The following GARIN5B variants were observed in gnomAD, a reference collection of about 807,000 sequenced individuals.
GARIN5B encodes the protein Golgi-associated RAB2 interactor protein 5B.
chr19:55,362,088 C>T, the GARIN5B span, among the ~76,000 whole-genome samples: 1,034 of 146,674 alleles, frequency 7.0e-3, 3 homozygotes, highest in Middle Eastern at 0.014. Context: ...CATCTCCTCC[C>T]TCGACTCAGG....
chr19:55,355,385 A>G, the GARIN5B span: 1 of 1,547,256 alleles, frequency 6.5e-7, no homozygotes, highest in Non-Finnish European at 8.7e-7. Context: ...TTTGGGGGAC[A>G]GGGTAGGGAG....
At chr19:55,358,051 C>CAA in the GARIN5B span, 34,212 of 1,098,650 alleles carry the variant, frequency 0.031, 1 homozygote, top group South Asian at 0.044. Flanking sequence ...GAGACCCTGT[C>CAA]AAAAAAAAAA....
At chr19:55,355,212 C>T in the GARIN5B span, 60 of 185,748 alleles carry the variant, frequency 3.2e-4, no homozygotes, top group East Asian at 0.013. Context: ...TCGCCCCCCT[C>T]CCCCCGCCCC....
the GARIN5B span, chr19:55,359,260 G>T: frequency 6.4e-7 from 1 of 1,551,138 alleles, no homozygotes; most frequent in African/African-American, 1.4e-5. Flanking sequence ...GAGCCTTCTG[G>T]GATGGGGCAG....
the GARIN5B span, chr19:55,359,078 G>C: frequency 1.9e-6 from 3 of 1,551,204 alleles, no homozygotes; most frequent in Admixed American, 5.9e-5. Flanking sequence ...CACCACGTCT[G>C]TCTCCTGGGT....
chr19:55,361,126 G>A, the GARIN5B span: 22 of 1,551,068 alleles, frequency 1.4e-5, no homozygotes, highest in Admixed American at 9.8e-5. Context: ...AGGAAGGGAC[G>A]GTTAGACAGG....
At chr19:55,358,664 A>G in the GARIN5B span, 3 of 1,551,286 alleles carry the variant, frequency 1.9e-6, no homozygotes, top group Non-Finnish European at 2.6e-6. Flanking sequence ...CACTGAAGCC[A>G]TCATTGACGT....
chr19:55,360,882 T>C, the GARIN5B span: 1 of 1,545,200 alleles, frequency 6.5e-7, no homozygotes, highest in Non-Finnish European at 8.8e-7. Context: ...GTGAGTTCTG[T>C]CGGGGCGGGG....
At chr19:55,363,160 T>C in the GARIN5B span, 1 of 1,276,606 alleles carries the variant, frequency 7.8e-7, no homozygotes, top group Non-Finnish European at 1.0e-6. The surrounding 1 kb of genome is among the most constrained non-coding windows in gnomAD (Gnocchi z 4.0). Context: ...CCGTGGGGCT[T>C]CACGGGTGCC....
the GARIN5B span, chr19:55,355,487 G>T: frequency 1.3e-6 from 1 of 743,136 alleles, no homozygotes; most frequent in Non-Finnish European, 2.3e-6. Flanking sequence ...GCTCACTGTT[G>T]TATCTGCCTG....
At chr19:55,359,172 C>T in the GARIN5B span, 65 of 1,551,284 alleles carry the variant, frequency 4.2e-5, no homozygotes, top group Middle Eastern at 1.7e-4. Flanking sequence ...GTTGGCAACA[C>T]GTCAAAATCG....
chr19:55,358,155 G>A, the GARIN5B span: 2 of 1,483,236 alleles, frequency 1.3e-6, no homozygotes, highest in South Asian at 1.3e-5. Flanking sequence ...CTGGGCAGAA[G>A]GTTCAAGACG....
the GARIN5B span, among the ~76,000 whole-genome samples, chr19:55,356,557 C>T: frequency 1.3e-5 from 2 of 152,010 alleles, no homozygotes; most frequent in South Asian, 2.1e-4. Context: ...CCACCCTCCT[C>T]GGCCTCCCAA....
the GARIN5B span, chr19:55,361,129 TAG>T: frequency 7.7e-6 from 12 of 1,551,152 alleles, no homozygotes; most frequent in Non-Finnish European, 9.6e-6. Context: ...AAGGGACGGT[TAG>T]ACAGGGGCAG....
chr19:55,359,451 G>A, the GARIN5B span: 5 of 1,545,960 alleles, frequency 3.2e-6, no homozygotes. Context: ...GGTATGGCTG[G>A]GGCCTTCTGG....
the GARIN5B span, chr19:55,359,559 C>T: frequency 6.4e-7 from 1 of 1,551,336 alleles, no homozygotes; most frequent in Non-Finnish European, 8.7e-7. Flanking sequence ...TGGGGAGGAG[C>T]CAATCCAGGT....
chr19:55,362,522 A>T, the GARIN5B span: 120 of 1,390,878 alleles, frequency 8.6e-5, no homozygotes, highest in Non-Finnish European at 1.1e-4. Flanking sequence ...GGGAGAGGGG[A>T]GCGTCTAGAG....
the GARIN5B span, among the ~76,000 whole-genome samples, chr19:55,355,963 G>C: frequency 1.3e-5 from 2 of 151,948 alleles, no homozygotes; most frequent in Non-Finnish European, 2.9e-5. Flanking sequence ...CTTCAGTCTG[G>C]GCAACATGTG....
chr19:55,355,324 G>C, the GARIN5B span: 3 of 1,549,876 alleles, frequency 1.9e-6, no homozygotes, highest in South Asian at 1.2e-5. Flanking sequence ...CCGGCCACTC[G>C]GAGTGCTGGG....
Sources: gnomAD v4.1 joint callset for allele counts (sites outside exome capture counted in the v4.1 genomes callset) on GRCh38, gnomAD v4.1.1 for gene constraint, Gnocchi (gnomAD v3.1) non-coding constraint, MANE v1.5 for transcripts, NCBI Gene and HGNC (gene_info 2026-07-23, HGNC 2026-07-21) for gene names.